The following EVA1A variants were observed in gnomAD, a reference collection of about 807,000 sequenced individuals.
EVA1A encodes the protein eva-1 homolog A, regulator of programmed cell death, also known as protein eva-1 homolog A.
A neutral mutation model predicts 9.8 loss-of-function variants in EVA1A; 7 were observed. The observed-to-expected ratio is 0.71, with a 90% CI of 0.41 to 1.34. EVA1A has a LOEUF of 1.34. Ranked by LOEUF, EVA1A falls within the 40% of genes most tolerant of loss-of-function variation. The pLI, the probability that EVA1A is intolerant of heterozygous loss-of-function variation, is 0.01. For synonymous variants in EVA1A, 90 were observed against 85.6 expected (o/e 1.05, Z -0.28); for missense variants, 206 against 205.9 (o/e 1.00, Z 0.00).
In EVA1A at chr2:75,493,429, T is replaced by TCACTGCCATCCTCGCTC. The variant is rs757236243; in HGVS notation, c.265_266insGAGCGAGGATGGCAGTG (p.Glu89GlyfsTer25). The TCACTGCCATCCTCGCTC allele has an allele frequency of 6.2e-7, 1 of 1,613,988 alleles. No homozygotes were observed. Among genetic ancestry groups the TCACTGCCATCCTCGCTC allele is most frequent in the Non-Finnish European group, 8.5e-7 (1 of 1,179,972 alleles). ...CACGGAGAGATCGGACACGGTGTCC[T>TCACTGCCATCCTCGCTC]CACTGCCATCCTCGCTGTCGCTGCT... On this transcript the variant is annotated frameshift_variant, in exon 4 of 4. Transcript: ENST00000393913. LOFTEE classifies it high-confidence loss of function.
intron 1 of EVA1A, among the ~76,000 whole-genome samples, chr2:75,541,267 C>A (rs1676107881): frequency 6.6e-6 from 1 of 152,152 alleles, no homozygotes; most frequent in African/African-American, 2.4e-5. Context: ...CTTTAAAAAC[C>A]AGTTTTCAGA....
rs376309415 is a variant in EVA1A, at chr2:75,547,652, T to C, written c.-192+13028A>G. On this transcript the variant is annotated intron_variant, in intron 1 of 3. Transcript: ENST00000393913. ...TTCTCATCAAATTGGTCTGCAGTCCTGTCATTTTCACTTTGGAGCACACCA... is the reference window on the plus strand; with the variant it reads ...TTCTCATCAAATTGGTCTGCAGTCCCGTCATTTTCACTTTGGAGCACACCA... Among the ~76,000 whole-genome samples the C allele has an allele frequency of 2.0e-5, 3 of 152,188 alleles. No homozygotes were observed. The East Asian group carries it at 5.8e-4, about 29-fold the overall frequency.
intron 1 of EVA1A, among the ~76,000 whole-genome samples, chr2:75,545,977 T>C (rs1676315099): frequency 6.6e-6 from 1 of 152,090 alleles, no homozygotes; most frequent in Non-Finnish European, 1.5e-5. Context: ...AGAGCATTCC[T>C]GGAGAAAGAC....
intron 1 of EVA1A, among the ~76,000 whole-genome samples, chr2:75,551,150 C>A (rs67265277): frequency 0.16 from 24,741 of 151,822 alleles, 2,093 homozygotes; most frequent in African/African-American, 0.18. Flanking sequence ...ACAAAAAAAA[C>A]CAAAAAAAAC....
At chr2:75,527,971 G>A (rs1387341911) in intron 1 of EVA1A, among the ~76,000 whole-genome samples, 1 of 152,184 alleles carries the variant, frequency 6.6e-6, no homozygotes, top group African/African-American at 2.4e-5. Flanking sequence ...ATCCTCACTG[G>A]GGAACCTGGA....
At chr2:75,507,059 G>T (rs1572951221) in intron 3 of EVA1A, among the ~76,000 whole-genome samples, 1 of 152,190 alleles carries the variant, frequency 6.6e-6, no homozygotes, top group African/African-American at 2.4e-5. Context: ...CAACAAGTCA[G>T]CCAGCTGTCA....
At chr2:75,569,006 G>T (rs1305951369) in intron 1 of EVA1A, among the ~76,000 whole-genome samples, 1 of 152,148 alleles carries the variant, frequency 6.6e-6, no homozygotes, top group Non-Finnish European at 1.5e-5. Context: ...TAGTGGGATT[G>T]CTGGATTGAA....
upstream of EVA1A, among the ~76,000 whole-genome samples, chr2:75,563,738 C>G (rs1334343847): frequency 1.3e-5 from 2 of 152,172 alleles, no homozygotes; most frequent in South Asian, 4.1e-4. Context: ...TCTATGGAGG[C>G]AAGAATCTTC....
At chr2:75,524,224 GCTTTATTAGCTGAGTATAT>G (rs6146811) in intron 1 of EVA1A, 28,082 of 151,814 alleles carry the variant, frequency 0.18, 3,017 homozygotes, top group African/African-American at 0.29. Flanking sequence ...GCTAGAATCT[GCTTTATTAGCTGAGTATAT>G]CTTTATTAGC....
chr2:75,544,308 A>G (rs768670927), intron 1 of EVA1A, among the ~76,000 whole-genome samples: 13 of 152,332 alleles, frequency 8.5e-5, no homozygotes, highest in South Asian at 4.1e-4. Flanking sequence ...CCTGGAATGT[A>G]TGCTCTTATA....
intron 3 of EVA1A, among the ~76,000 whole-genome samples, chr2:75,494,362 C>T (rs1674132992): frequency 6.6e-6 from 1 of 152,140 alleles, no homozygotes; most frequent in Non-Finnish European, 1.5e-5. Context: ...CCTGCGTATA[C>T]CGAGGGACGA....
At chr2:75,558,327 G>A (rs1676794879) in intron 1 of EVA1A, among the ~76,000 whole-genome samples, 2 of 152,264 alleles carry the variant, frequency 1.3e-5, no homozygotes, top group African/African-American at 4.8e-5. Flanking sequence ...CTTGACCAAG[G>A]TCAAGTAATT....
chr2:75,518,033 C>T, intron 3 of EVA1A, 23 bp downstream of exon 3: 1 of 1,613,326 alleles, frequency 6.2e-7, no homozygotes, highest in Non-Finnish European at 8.5e-7. Context: ...TCAGTCCTGG[C>T]CCAGTGGAAA....
chr2:75,551,381 C>T (rs1676517747), intron 1 of EVA1A, among the ~76,000 whole-genome samples: 1 of 152,202 alleles, frequency 6.6e-6, no homozygotes, highest in South Asian at 2.1e-4. Context: ...TTTGGAATTT[C>T]CAAATCCGTG....
chr2:75,505,417 T>C (rs1674581371), intron 3 of EVA1A, among the ~76,000 whole-genome samples: 1 of 152,218 alleles, frequency 6.6e-6, no homozygotes, highest in Non-Finnish European at 1.5e-5. Context: ...TCATGGTGCA[T>C]ATCTCACAAT....
chr2:75,560,034 C>CT (rs907301739), intron 1 of EVA1A, among the ~76,000 whole-genome samples: 1 of 152,218 alleles, frequency 6.6e-6, no homozygotes, highest in Non-Finnish European at 1.5e-5. Flanking sequence ...AACACCTCCC[C>CT]TTACCCCTCA....
chr2:75,508,960 T>C (rs1294226722), intron 3 of EVA1A, among the ~76,000 whole-genome samples: 6 of 152,138 alleles, frequency 3.9e-5, no homozygotes, highest in African/African-American at 1.4e-4. Context: ...CCACAAAATA[T>C]ATAACCTCTA....
At chr2:75,538,389 A>G (rs1394172385) in intron 1 of EVA1A, among the ~76,000 whole-genome samples, 1 of 152,236 alleles carries the variant, frequency 6.6e-6, no homozygotes, top group Non-Finnish European at 1.5e-5. Context: ...CCATATACTA[A>G]GAGTGAACAC....
upstream of EVA1A, among the ~76,000 whole-genome samples, chr2:75,564,644 C>T (rs980577914): frequency 6.6e-5 from 10 of 152,276 alleles, no homozygotes; most frequent in African/African-American, 1.4e-4. Flanking sequence ...CCCTCAGTGG[C>T]GCAAATGTCG....
Sources: allele counts gnomAD v4.1 joint callset (sites outside exome capture counted in the v4.1 genomes callset), GRCh38; gene constraint gnomAD v4.1.1; transcripts MANE v1.5; gene names NCBI Gene and HGNC (gene_info 2026-07-23, HGNC 2026-07-21).